Variants in ADAM22 observed in about 807,000 individuals in gnomAD.
ADAM22 encodes the protein ADAM metallopeptidase domain 22, also known as disintegrin and metalloproteinase domain-containing protein 22.
A neutral mutation model predicts 144.6 loss-of-function variants in ADAM22; 65 were observed. That is an observed-to-expected ratio of 0.45 (90% CI 0.37 to 0.55). The LOEUF (loss-of-function observed/expected upper bound fraction) is 0.55, where lower values mean the gene tolerates loss of function less well. ADAM22 is among the 20% of genes least tolerant of loss of function. ADAM22 has a pLI of 0.00. For synonymous variants in ADAM22, 391 were observed against 412.6 expected (o/e 0.95, Z 0.63); for missense variants, 974 against 1,184.9 (o/e 0.82, Z 2.61).
At chr7:88,166,023 G>GT (rs1842871361) in intron 24 of ADAM22, 77 bp downstream of exon 24, 2 of 1,002,568 alleles carry the variant, frequency 2.0e-6, no homozygotes, top group Non-Finnish European at 2.9e-6. Flanking sequence ...TTTTATTTGA[G>GT]TTATTTTTAT....
chr7:88,019,831 C>G (rs1252054698), intron 3 of ADAM22, among the ~76,000 whole-genome samples: 2 of 143,314 alleles, frequency 1.4e-5, no homozygotes, highest in Non-Finnish European at 3.1e-5. Context: ...GCCTGGGCGA[C>G]AGAGCGTGAC....
chr7:88,033,631 C>G (rs1800807670), intron 3 of ADAM22, among the ~76,000 whole-genome samples: 1 of 152,218 alleles, frequency 6.6e-6, no homozygotes, highest in Non-Finnish European at 1.5e-5. Flanking sequence ...TTCTTCCCTA[C>G]AGGGCAATGG....
intron 22 of ADAM22, among the ~76,000 whole-genome samples, chr7:88,158,723 A>G (rs1217648506): frequency 6.6e-6 from 1 of 152,184 alleles, no homozygotes; most frequent in African/African-American, 2.4e-5. Flanking sequence ...GAAAAAAGAT[A>G]CAAAATACAA....
chr7:88,193,802 CTT>C (rs1196634848), intron 31 of ADAM22, among the ~76,000 whole-genome samples: 2 of 152,222 alleles, frequency 1.3e-5, no homozygotes, highest in Non-Finnish European at 2.9e-5. Flanking sequence ...TGGTTAGACT[CTT>C]TGGTCTTCAG....
intron 3 of ADAM22, among the ~76,000 whole-genome samples, chr7:87,987,739 G>A (rs190781206): frequency 4.6e-5 from 7 of 152,302 alleles, no homozygotes; most frequent in African/African-American, 1.7e-4. Context: ...GGTATAAGGT[G>A]CGTGCTTACT....
intron 8 of ADAM22, among the ~76,000 whole-genome samples, chr7:88,127,611 T>C (rs952150117): frequency 6.6e-6 from 1 of 151,986 alleles, no homozygotes; most frequent in South Asian, 2.1e-4. Flanking sequence ...GTTTTTAAGT[T>C]TAGGATTGCA....
At chr7:88,092,318 A>G (rs1820100316) in intron 4 of ADAM22, among the ~76,000 whole-genome samples, 1 of 152,146 alleles carries the variant, frequency 6.6e-6, no homozygotes, top group South Asian at 2.1e-4. Flanking sequence ...CACAACATAC[A>G]CAGCCCGCAA....
chr7:88,030,838 C>T (rs1359149774), intron 3 of ADAM22, among the ~76,000 whole-genome samples: 2 of 152,112 alleles, frequency 1.3e-5, no homozygotes, highest in African/African-American at 4.8e-5. Context: ...TTCTCTCGGC[C>T]GGGCACGGTG....
At chr7:87,934,719 G>A in intron 1 of ADAM22, 169 bp downstream of exon 1, 1 of 685,068 alleles carries the variant, frequency 1.5e-6, no homozygotes, top group Middle Eastern at 2.5e-4. Context: ...AAAAATATAT[G>A]TGTGGAGGCG....
In ADAM22 at chr7:88,114,601, G is replaced by C; in HGVS notation, c.491G>C (p.Gly164Ala). The C allele has an allele frequency of 6.2e-7, 1 of 1,613,814 alleles. No individual in the cohort carries two copies. The highest frequency in any genetic ancestry group is 8.5e-7 in the Non-Finnish European group (1 of 1,179,822). The change falls in exon 6 of 32, where the codon GGG becomes GCG. Residue 164 changes from glycine (G) to alanine (A), a missense_variant. Physicochemically the swap from Gly to Ala is moderately conservative, Grantham distance 60 (BLOSUM62 0). Transcript: ENST00000413139. ...CHGLHGMFYD[G>A]NHTYLIEPEE... ...GTTGGCAGTGGGATGTTCTATGACG[G>C]GAACCACACATATCTCATTGAGCCA...
At chr7:88,127,096 GTA>G (rs3831544) in intron 8 of ADAM22, among the ~76,000 whole-genome samples, 21 of 149,422 alleles carry the variant, frequency 1.4e-4, no homozygotes, top group Admixed American at 2.7e-4. Flanking sequence ...ATATGTGTGT[GTA>G]TATATATATA....
At chr7:87,987,064 T>G (rs928010746) in intron 3 of ADAM22, among the ~76,000 whole-genome samples, 7 of 152,352 alleles carry the variant, frequency 4.6e-5, no homozygotes, top group Admixed American at 4.6e-4. Flanking sequence ...TGTAATTAAA[T>G]GTTTTTGCAT....
At chr7:87,956,393 A>T (rs887582030) in intron 2 of ADAM22, among the ~76,000 whole-genome samples, 2 of 152,224 alleles carry the variant, frequency 1.3e-5, no homozygotes, top group Admixed American at 6.5e-5. Flanking sequence ...ACCTAATGTA[A>T]TCCCAGGAAC....
intron 2 of ADAM22, among the ~76,000 whole-genome samples, chr7:87,954,336 T>C (rs530454458): frequency 6.6e-6 from 1 of 152,282 alleles, no homozygotes; most frequent in Admixed American, 6.5e-5. Context: ...AGGGCAGGCC[T>C]GGTGGTGACA....
chr7:88,147,912 A>C (rs947895940), intron 17 of ADAM22, among the ~76,000 whole-genome samples: 8 of 152,206 alleles, frequency 5.3e-5, no homozygotes, highest in African/African-American at 1.9e-4. Context: ...TTAAGATGCA[A>C]GTTCCTGATG....
chr7:87,996,372 C>T (rs1158126581), intron 3 of ADAM22, among the ~76,000 whole-genome samples: 1 of 152,168 alleles, frequency 6.6e-6, no homozygotes, highest in African/African-American at 2.4e-5. Flanking sequence ...TTATTGAGGG[C>T]CTTCTTCCTA....
intron 7 of ADAM22, among the ~76,000 whole-genome samples, chr7:88,122,050 C>A (rs751374918): frequency 6.6e-6 from 1 of 152,140 alleles, no homozygotes; most frequent in Non-Finnish European, 1.5e-5. Context: ...GTTTCAGAGT[C>A]CCTTACAGGC....
chr7:87,958,343 A>T (rs1469016149), intron 2 of ADAM22, among the ~76,000 whole-genome samples: 1 of 152,042 alleles, frequency 6.6e-6, no homozygotes, highest in Non-Finnish European at 1.5e-5. Flanking sequence ...TTTCATCATT[A>T]TCTGGAACCA....
chr7:88,058,936 A>T (rs1432559891), intron 3 of ADAM22, among the ~76,000 whole-genome samples: 6 of 152,168 alleles, frequency 3.9e-5, no homozygotes, highest in African/African-American at 7.2e-5. Flanking sequence ...TTCCTGGCAG[A>T]AGTAGGAGGT....
Sources: allele counts gnomAD v4.1 joint callset (sites outside exome capture counted in the v4.1 genomes callset), GRCh38; gene constraint gnomAD v4.1.1; transcripts MANE v1.5; gene names NCBI Gene and HGNC (gene_info 2026-07-23, HGNC 2026-07-21).